PTPRD: variants seen among roughly 807,000 people sequenced by gnomAD.
PTPRD encodes the protein protein tyrosine phosphatase receptor type D.
In PTPRD, 34 loss-of-function variants were observed where a neutral mutation model predicts 214.5. That is an observed-to-expected ratio of 0.16 (90% CI 0.12 to 0.21). The LOEUF (loss-of-function observed/expected upper bound fraction) is 0.21. Among genes scored for constraint, PTPRD ranks in the 10% least tolerant of loss-of-function variants. PTPRD has a pLI of 1.00. For synonymous variants in PTPRD, 1,128 were observed against 845.7 expected (o/e 1.33, Z -5.79); for missense variants, 2,545 against 2,398.7 (o/e 1.06, Z -1.27).
rs75178877 is a variant in PTPRD, at chr9:8,668,513, T to A, written c.65-31669A>T. ...GCGTTCCAGAAAGTACCATCTTACA[T>A]AGAATAAGATAATTTCTGATTTTTA... On this transcript the variant is annotated intron_variant, in intron 12 of 45. Transcript: ENST00000381196. Among the ~76,000 whole-genome samples, 189 of 152,304 alleles carry A rather than the reference T, an allele frequency of 1.2e-3. 1 individual carries two copies. Among genetic ancestry groups the A allele is most frequent in the African/African-American group, 4.4e-3 (181 of 41,564 alleles).
At chr9:8,730,444 A>G (rs893975800) in intron 12 of PTPRD, among the ~76,000 whole-genome samples, 1 of 150,734 alleles carries the variant, frequency 6.6e-6, no homozygotes, top group Non-Finnish European at 1.5e-5. Flanking sequence ...TCTACAATTT[A>G]AAAAAAATGT....
At chr9:9,478,427 T>TA (rs2095222026) in intron 8 of PTPRD, among the ~76,000 whole-genome samples, 1 of 152,210 alleles carries the variant, frequency 6.6e-6, no homozygotes, top group Admixed American at 6.5e-5. Context: ...TTGAGCCCAT[T>TA]AAATGTGAGG....
chr9:9,677,178 G>A (rs1192839458), intron 7 of PTPRD, among the ~76,000 whole-genome samples: 3 of 151,998 alleles, frequency 2.0e-5, no homozygotes, highest in Non-Finnish European at 4.4e-5. Context: ...TTGCTTTTTG[G>A]TGTTTTAGAC....
chr9:8,379,881 C>G (rs1466663538), intron 37 of PTPRD, among the ~76,000 whole-genome samples: 1 of 152,096 alleles, frequency 6.6e-6, no homozygotes, highest in Non-Finnish European at 1.5e-5. Context: ...TCCCTGGATG[C>G]CTGGAAAATT....
chr9:8,591,543 T>A (rs115426915), intron 14 of PTPRD, among the ~76,000 whole-genome samples: 1 of 152,160 alleles, frequency 6.6e-6, no homozygotes, highest in East Asian at 1.9e-4. Flanking sequence ...TCAAACAGAA[T>A]AATTTATGAA....
In PTPRD at chr9:9,133,443, TG is replaced by T; in HGVS notation, c.-143+49860del. ...GATTCAGTATCCATTTAATATAAGA[TG>T]GTCAATTCATTTTAAGAAATTAAGA... On this transcript the variant is annotated intron_variant, in intron 10 of 45. Transcript: ENST00000381196. Among the ~76,000 whole-genome samples, 3 of 152,310 alleles carry T rather than the reference TG, an allele frequency of 2.0e-5. No individual in the cohort carries two copies. The Middle Eastern group carries it at 0.01, about 518-fold the overall frequency.
intron 11 of PTPRD, among the ~76,000 whole-genome samples, chr9:8,782,785 A>G (rs10815946): frequency 0.25 from 37,453 of 151,694 alleles, 5,577 homozygotes; most frequent in African/African-American, 0.42. Context: ...TAGTAGAGAC[A>G]GGGTTTCACC....
At position 8,733,076 on chromosome 9, in the gene PTPRD, G is replaced by T. The variant is rs2098677523; in HGVS notation, c.64+704C>A. Reference sequence around the variant, plus strand: ...AGGACAGATGGGAAAATAAATGCAGGTAAACAAGGTAGACCTAATGATTTC... The same window carrying T: ...AGGACAGATGGGAAAATAAATGCAGTTAAACAAGGTAGACCTAATGATTTC... On this transcript the variant is annotated intron_variant, in intron 12 of 45. Coordinates refer to ENST00000381196, the MANE Select transcript of PTPRD (RefSeq NM_002839.4). Among the ~76,000 whole-genome samples, 5 of 152,242 alleles carry T rather than the reference G, an allele frequency of 3.3e-5. 1 individual carries two copies. The South Asian group carries it at 1.0e-3, about 32-fold the overall frequency.
At chr9:9,886,661 G>A (rs73400659) in intron 5 of PTPRD, among the ~76,000 whole-genome samples, 3,493 of 152,222 alleles carry the variant, frequency 0.023, 151 homozygotes, top group African/African-American at 0.079. Context: ...GCAGGAATGG[G>A]ACTTCATTGT....
At chr9:9,516,014 T>C (rs1421629216) in intron 8 of PTPRD, among the ~76,000 whole-genome samples, 1 of 152,146 alleles carries the variant, frequency 6.6e-6, no homozygotes, top group Admixed American at 6.6e-5. Flanking sequence ...AATTTATTTG[T>C]ACCCATATGC....
chr9:9,334,460 G>C (rs1468018480), intron 9 of PTPRD, among the ~76,000 whole-genome samples: 1 of 151,912 alleles, frequency 6.6e-6, no homozygotes, highest in African/African-American at 2.4e-5. Context: ...TTTCATAATA[G>C]TTTCCCTAAC....
At chr9:9,409,168 T>A (rs1231096933) in intron 8 of PTPRD, among the ~76,000 whole-genome samples, 1 of 151,998 alleles carries the variant, frequency 6.6e-6, no homozygotes, top group Non-Finnish European at 1.5e-5. Flanking sequence ...GTGCTGAGCT[T>A]ATCTCAGTAT....
intron 5 of PTPRD, among the ~76,000 whole-genome samples, chr9:9,864,327 A>AT (rs1260817364): frequency 6.8e-6 from 1 of 147,622 alleles, no homozygotes; most frequent in East Asian, 1.9e-4. Flanking sequence ...AAAGAGAAAG[A>AT]TTAAAAAAAA....
At chr9:9,045,358 G>C (rs991475021) in intron 10 of PTPRD, among the ~76,000 whole-genome samples, 3 of 152,108 alleles carry the variant, frequency 2.0e-5, no homozygotes, top group African/African-American at 7.2e-5. Flanking sequence ...CAGTGCTTGA[G>C]TGTTGGCCAT....
intron 2 of PTPRD, among the ~76,000 whole-genome samples, chr9:10,401,460 T>C (rs2098268438): frequency 6.6e-6 from 1 of 150,908 alleles, no homozygotes; most frequent in African/African-American, 2.4e-5. Context: ...TTGGTTCCTA[T>C]GGCAAAAGGT....
chr9:10,036,577 T>TA (rs142736164), intron 3 of PTPRD, among the ~76,000 whole-genome samples: 7,157 of 151,576 alleles, frequency 0.047, 399 homozygotes, highest in East Asian at 0.22. Context: ...CATTTTTTTT[T>TA]ATTTTATTTC....
chr9:8,634,071 T>A (rs1282892504), intron 13 of PTPRD, among the ~76,000 whole-genome samples: 1 of 152,006 alleles, frequency 6.6e-6, no homozygotes, highest in African/African-American at 2.4e-5. Flanking sequence ...GCTTAGCATT[T>A]TCTGCATTTT....
intron 8 of PTPRD, among the ~76,000 whole-genome samples, chr9:9,548,970 A>G (rs1351607927): frequency 1.3e-5 from 2 of 152,162 alleles, no homozygotes; most frequent in Non-Finnish European, 2.9e-5. Context: ...CAATTTAGTT[A>G]TAAAAGATTT....
chr9:9,066,857 A>T (rs2099735372), intron 10 of PTPRD, among the ~76,000 whole-genome samples: 1 of 152,196 alleles, frequency 6.6e-6, no homozygotes, highest in South Asian at 2.1e-4. Context: ...AGTGACTCTG[A>T]TTTTGTTCTT....
Sources: allele counts gnomAD v4.1 joint callset (sites outside exome capture counted in the v4.1 genomes callset), GRCh38; gene constraint gnomAD v4.1.1; transcripts MANE v1.5; gene names NCBI Gene and HGNC (gene_info 2026-07-23, HGNC 2026-07-21).